The following GALNTL6 variants were observed in gnomAD, a reference collection of about 807,000 sequenced individuals.
GALNTL6 encodes polypeptide N-acetylgalactosaminyltransferase-like 6.
GALNTL6 carries 46 observed loss-of-function variants against 73.7 expected under a neutral mutation model. That is an observed-to-expected ratio of 0.62 (90% CI 0.49 to 0.80). The LOEUF (loss-of-function observed/expected upper bound fraction) is 0.80. Ranked by LOEUF, GALNTL6 falls within the 30% of genes least tolerant of loss-of-function variation. The probability of loss-of-function intolerance (pLI) is 0.00; values close to 1 mark genes in which losing one functional copy is unlikely to be tolerated. For missense variants in GALNTL6, 604 were observed against 755.0 expected (o/e 0.80, Z 2.34); for synonymous variants, 259 against 263.7 (o/e 0.98, Z 0.17).
intron 3 of GALNTL6, among the ~76,000 whole-genome samples, chr4:172,304,080 T>G (rs562321506): frequency 2.6e-4 from 2 of 7,626 alleles, no homozygotes; most frequent in South Asian, 5.7e-3. Context: ...TATTCTGGGT[T>G]TTTTTTCTCT....
At chr4:172,805,513 G>A (rs565131720) in intron 5 of GALNTL6, among the ~76,000 whole-genome samples, 2 of 152,036 alleles carry the variant, frequency 1.3e-5, no homozygotes, top group Non-Finnish European at 2.9e-5. Flanking sequence ...GGATATACGG[G>A]TGCTCAGTGG....
intron 5 of GALNTL6, among the ~76,000 whole-genome samples, chr4:172,580,061 T>A (rs967796446): frequency 1.3e-5 from 2 of 152,148 alleles, no homozygotes; most frequent in African/African-American, 4.8e-5. Context: ...CCTAGCAGAA[T>A]TACTTGGAAT....
At position 172,014,401 on chromosome 4, in the gene GALNTL6, G is replaced by A. The variant is rs146962009; in HGVS notation, c.138+199683G>A. ...AGCATTTATTAGTACCTGTCTTTTC[G>A]ATAAAGGACATTTTAACTGGGGTGA... On this transcript the variant is annotated intron_variant, in intron 2 of 12. Transcript: ENST00000506823. 7.2e-5 allele frequency among the ~76,000 whole-genome samples: 11 copies of A among 152,018 alleles called. No individual in the cohort carries two copies. The East Asian group carries it at 1.9e-3, about 27-fold the overall frequency.
At chr4:172,501,359 G>A (rs1429024034) in intron 5 of GALNTL6, among the ~76,000 whole-genome samples, 1 of 152,112 alleles carries the variant, frequency 6.6e-6, no homozygotes, top group African/African-American at 2.4e-5. Context: ...CAAACATAAA[G>A]GATATTTCTC....
Position 172,239,285 on chromosome 4 carries a change from C to T in GALNTL6, c.247+9521C>T, listed in dbSNP as rs1409199335. ...TTCCATTTCAGAATCAATTATTGGT[C>T]TATTCATGATTTGAATTTATTCCTG... is the stretch of plus-strand genomic sequence containing the variant. On this transcript the variant is annotated intron_variant, in intron 3 of 12. Coordinates refer to ENST00000506823, the MANE Select transcript of GALNTL6 (RefSeq NM_001034845.3). 2.0e-5 allele frequency among the ~76,000 whole-genome samples: 3 copies of T among 152,184 alleles called. No individual in the cohort carries two copies. In the East Asian group the frequency reaches 5.8e-4, roughly 29 times the overall value.
intron 2 of GALNTL6, among the ~76,000 whole-genome samples, chr4:172,144,681 G>A (rs949982040): frequency 5.9e-5 from 9 of 152,116 alleles, no homozygotes; most frequent in Non-Finnish European, 8.8e-5. Context: ...TCTTAGTATG[G>A]TAGTCTTTCC....
chr4:172,565,200 T>G (rs1217340710), intron 5 of GALNTL6, among the ~76,000 whole-genome samples: 1 of 152,218 alleles, frequency 6.6e-6, no homozygotes. Context: ...CCCCACCTCT[T>G]AATACTGTCA....
chr4:172,116,680 A>C (rs1732993633), intron 2 of GALNTL6, among the ~76,000 whole-genome samples: 1 of 152,226 alleles, frequency 6.6e-6, no homozygotes, highest in Non-Finnish European at 1.5e-5. Context: ...ATGAAAATAC[A>C]AAAATTATTC....
At chr4:172,585,810 A>G (rs938991656) in intron 5 of GALNTL6, among the ~76,000 whole-genome samples, 4 of 152,220 alleles carry the variant, frequency 2.6e-5, no homozygotes, top group African/African-American at 9.6e-5. Flanking sequence ...ACAAATTTAC[A>G]AGAAAAAAAC....
At chr4:172,624,525 G>C (rs546638203) in intron 5 of GALNTL6, among the ~76,000 whole-genome samples, 43 of 152,070 alleles carry the variant, frequency 2.8e-4, no homozygotes, top group African/African-American at 8.2e-4. Context: ...TCCTAGAAGA[G>C]AGAATCTGAA....
chr4:172,108,837 C>A (rs1321706701), intron 2 of GALNTL6, among the ~76,000 whole-genome samples: 2 of 151,676 alleles, frequency 1.3e-5, no homozygotes, highest in African/African-American at 2.4e-5. Flanking sequence ...CATTGTGAAA[C>A]CCCATCTCTA....
intron 2 of GALNTL6, among the ~76,000 whole-genome samples, chr4:172,108,037 C>T (rs1732736643): frequency 6.6e-6 from 1 of 152,056 alleles, no homozygotes; most frequent in African/African-American, 2.4e-5. Flanking sequence ...CAAGTAGCTA[C>T]AAAATATTCC....
rs533799996 is a variant in GALNTL6 at position 172,302,214 on chromosome 4, G to A, written c.248-9400G>A. Among the ~76,000 whole-genome samples the A allele has an allele frequency of 3.7e-4, 57 of 152,242 alleles. 1 individual carries two copies. The highest frequency in any genetic ancestry group is 3.1e-3 in the South Asian group (15 of 4,826). On this transcript the variant is annotated intron_variant, in intron 3 of 12. Transcript: ENST00000506823. ...TGGTGTGCTGTTTGCTAAGACTGTC[G>A]GAAAAGTGCAGTATTAGGGTGGGAG... is the stretch of plus-strand genomic sequence containing the variant.
chr4:173,023,128 T>C (rs942921035), intron 12 of GALNTL6, among the ~76,000 whole-genome samples: 2 of 151,956 alleles, frequency 1.3e-5, no homozygotes, highest in Admixed American at 1.3e-4. Context: ...AAGGTCAGTG[T>C]CCCCCCAAAT....
chr4:172,937,360 A>T (rs1039691401), intron 9 of GALNTL6, among the ~76,000 whole-genome samples: 1 of 152,174 alleles, frequency 6.6e-6, no homozygotes, highest in Non-Finnish European at 1.5e-5. Flanking sequence ...ACATGTGACT[A>T]TGAGCTTTCC....
At chr4:172,162,152 A>G (rs573604361) in intron 2 of GALNTL6, among the ~76,000 whole-genome samples, 4 of 152,062 alleles carry the variant, frequency 2.6e-5, no homozygotes, top group South Asian at 4.1e-4. Flanking sequence ...GTATTATACT[A>G]TGATCAGAGA....
intron 2 of GALNTL6, among the ~76,000 whole-genome samples, chr4:172,214,616 G>T (rs1736439046): frequency 6.6e-6 from 1 of 150,824 alleles, no homozygotes; most frequent in Admixed American, 6.6e-5. Context: ...CTGGGTTCAA[G>T]TGATTCTCCT....
At chr4:171,961,110 CT>C (rs1739206855) in intron 2 of GALNTL6, among the ~76,000 whole-genome samples, 1 of 152,130 alleles carries the variant, frequency 6.6e-6, no homozygotes, top group African/African-American at 2.4e-5. Context: ...GAGGATACCC[CT>C]GGCACAAAGG....
At chr4:172,042,372 A>G (rs1344938571) in intron 2 of GALNTL6, among the ~76,000 whole-genome samples, 1 of 152,118 alleles carries the variant, frequency 6.6e-6, no homozygotes, top group Non-Finnish European at 1.5e-5. Context: ...TATATGGCAC[A>G]TAAAAATAAG....
Sources: gnomAD v4.1 joint callset for allele counts (sites outside exome capture counted in the v4.1 genomes callset) on GRCh38, gnomAD v4.1.1 for gene constraint, MANE v1.5 for transcripts, NCBI Gene and HGNC (gene_info 2026-07-23, HGNC 2026-07-21) for gene names.